Variants in GRIK3 observed in about 807,000 individuals in gnomAD.
The protein encoded by GRIK3 is glutamate receptor ionotropic, kainate 3.
Under a neutral mutation model 102.5 loss-of-function variants are expected in GRIK3, and 29 were observed. The ratio of observed to expected loss-of-function variants is 0.28; its 90% confidence interval spans 0.21 to 0.39. The LOEUF (loss-of-function observed/expected upper bound fraction) is 0.39. Among genes scored for constraint, GRIK3 ranks in the 10% least tolerant of loss-of-function variants. The pLI is 1.00. For synonymous variants in GRIK3, 511 were observed against 504.9 expected (o/e 1.01, Z -0.16); for missense variants, 908 against 1,252.4 (o/e 0.73, Z 4.15).
intron 11 of GRIK3, among the ~76,000 whole-genome samples, chr1:36,824,222 C>T (rs1642728421): frequency 6.6e-6 from 1 of 152,132 alleles, no homozygotes; most frequent in Admixed American, 6.5e-5. Context: ...GGGGATGGGA[C>T]ACACATCAAA....
intron 1 of GRIK3, among the ~76,000 whole-genome samples, chr1:36,994,110 A>T (rs1265320482): frequency 6.6e-6 from 1 of 152,082 alleles, no homozygotes; most frequent in Non-Finnish European, 1.5e-5. Context: ...TGCTATGATG[A>T]CCTCTCTGAG....
At chr1:37,007,222 G>C (rs1271724515) in intron 1 of GRIK3, among the ~76,000 whole-genome samples, 1 of 152,254 alleles carries the variant, frequency 6.6e-6, no homozygotes, top group African/African-American at 2.4e-5. Flanking sequence ...TCCCAATGAG[G>C]TGGGTGCTGT....
At chr1:36,957,463 A>ACTC (rs1557440383) in intron 1 of GRIK3, among the ~76,000 whole-genome samples, 1,427 of 45,670 alleles carry the variant, frequency 0.031, 18 homozygotes, top group Non-Finnish European at 0.041. Flanking sequence ...CTGTGAGCCT[A>ACTC]TGTGCTCTGT....
chr1:36,936,812 A>T (rs1570808567), intron 1 of GRIK3, among the ~76,000 whole-genome samples: 6 of 149,596 alleles, frequency 4.0e-5, no homozygotes, highest in African/African-American at 2.5e-5. Context: ...CTTTAACCTC[A>T]TTTTTTTTTT....
intron 1 of GRIK3, among the ~76,000 whole-genome samples, chr1:37,010,990 C>T (rs1642590321): frequency 6.6e-6 from 1 of 152,178 alleles, no homozygotes; most frequent in African/African-American, 2.4e-5. Context: ...ATCCACCCGC[C>T]TCCGCCTCCC....
intron 2 of GRIK3, among the ~76,000 whole-genome samples, chr1:36,887,727 G>A (rs1641055277): frequency 6.9e-6 from 1 of 144,572 alleles, no homozygotes; most frequent in Non-Finnish European, 1.5e-5. Flanking sequence ...CTGCACTCCA[G>A]CCTGGGCAAC....
At chr1:36,962,614 G>A (rs924294338) in intron 1 of GRIK3, among the ~76,000 whole-genome samples, 20 of 148,970 alleles carry the variant, frequency 1.3e-4, no homozygotes, top group African/African-American at 4.5e-4. Context: ...GGTTAGCGGT[G>A]GAGGAAAGTG....
At chr1:36,954,455 G>C (rs1287870120) in intron 1 of GRIK3, among the ~76,000 whole-genome samples, 1 of 152,204 alleles carries the variant, frequency 6.6e-6, no homozygotes, top group Non-Finnish European at 1.5e-5. Context: ...GAGTGGCCTG[G>C]AGGAGGCCCC....
intron 1 of GRIK3, among the ~76,000 whole-genome samples, chr1:37,018,225 C>T (rs1172857549): frequency 2.6e-5 from 4 of 152,196 alleles, no homozygotes; most frequent in Non-Finnish European, 4.4e-5. Flanking sequence ...GCATACTGCA[C>T]GGTGGGCAAA....
intron 11 of GRIK3, among the ~76,000 whole-genome samples, chr1:36,825,261 C>T (rs1246705665): frequency 6.6e-6 from 1 of 152,174 alleles, no homozygotes; most frequent in Non-Finnish European, 1.5e-5. Flanking sequence ...TGTCCTGAGT[C>T]TGCTGCACCA....
intron 5 of GRIK3, among the ~76,000 whole-genome samples, chr1:36,869,484 C>A (rs574214): frequency 0.89 from 135,975 of 152,254 alleles, 61,013 homozygotes; most frequent in East Asian, 0.99. Flanking sequence ...AGGTTAAGTG[C>A]CTTAGCCAAG....
chr1:37,028,652 AG>A (rs1190942741), intron 1 of GRIK3, among the ~76,000 whole-genome samples: 1 of 152,176 alleles, frequency 6.6e-6, no homozygotes, highest in Non-Finnish European at 1.5e-5. Flanking sequence ...GAGTGGGGGT[AG>A]GGGCACCGCA....
chr1:36,871,973 C>G (rs1557709334), intron 4 of GRIK3, among the ~76,000 whole-genome samples: 1 of 152,202 alleles, frequency 6.6e-6, no homozygotes, highest in Non-Finnish European at 1.5e-5. Flanking sequence ...TCCATCCTTA[C>G]GCCAACTCAC....
intron 5 of GRIK3, 108 bp downstream of exon 5, chr1:36,869,640 G>A: frequency 1.2e-6 from 1 of 857,560 alleles, no homozygotes; most frequent in South Asian, 1.4e-5. Flanking sequence ...TACAGCCTGA[G>A]GAAGCTGCAG....
chr1:36,967,757 G>C (rs1642095637), intron 1 of GRIK3, among the ~76,000 whole-genome samples: 6 of 152,196 alleles, frequency 3.9e-5, no homozygotes, highest in Admixed American at 3.9e-4. Context: ...ACCACCTATA[G>C]ACAGGTTACT....
At chr1:36,961,594 G>C (rs1365800259) in intron 1 of GRIK3, among the ~76,000 whole-genome samples, 2 of 152,230 alleles carry the variant, frequency 1.3e-5, no homozygotes, top group African/African-American at 4.8e-5. Flanking sequence ...CAGGCTTGCT[G>C]TGGGCTTCAG....
intron 1 of GRIK3, among the ~76,000 whole-genome samples, chr1:36,993,170 C>T (rs1349717607): frequency 6.6e-6 from 1 of 152,210 alleles, no homozygotes; most frequent in African/African-American, 2.4e-5. Context: ...GAATAGGTAG[C>T]GTGGGAGAGT....
At chr1:36,988,938 A>C (rs1192396224) in intron 1 of GRIK3, among the ~76,000 whole-genome samples, 2 of 152,162 alleles carry the variant, frequency 1.3e-5, no homozygotes, top group Non-Finnish European at 2.9e-5. Flanking sequence ...AAGTATTTGA[A>C]ACGTACAGGC....
Position 36,860,636 on chromosome 1 carries a change from C to T in GRIK3, c.787-619G>A, listed in dbSNP as rs145602066. ...AGGGTCCAGGAGAACAGGGTCTCAACGCAGGTGAGGCTGGCTGTAGCCCCG... is the reference window on the plus strand; with the variant it reads ...AGGGTCCAGGAGAACAGGGTCTCAATGCAGGTGAGGCTGGCTGTAGCCCCG... On this transcript the variant is annotated intron_variant, in intron 5 of 15. Coordinates refer to ENST00000373091, the MANE Select transcript of GRIK3 (RefSeq NM_000831.4). 2.6e-4 allele frequency among the ~76,000 whole-genome samples: 39 copies of T among 152,268 alleles called. 1 individual carries two copies. The highest frequency in any genetic ancestry group is 4.3e-4 in the African/African-American group (18 of 41,560).
Sources: gnomAD v4.1 joint callset for allele counts (sites outside exome capture counted in the v4.1 genomes callset) on GRCh38, gnomAD v4.1.1 for gene constraint, MANE v1.5 for transcripts, NCBI Gene and HGNC (gene_info 2026-07-23, HGNC 2026-07-21) for gene names.